The following RGS6 variants were observed in gnomAD, a reference collection of about 807,000 sequenced individuals.
RGS6 encodes regulator of G protein signaling 6.
In RGS6, 30 loss-of-function variants were observed where a neutral mutation model predicts 78.5. The ratio of observed to expected loss-of-function variants is 0.38; its 90% confidence interval spans 0.29 to 0.52. RGS6 has a LOEUF of 0.52. RGS6 is among the 20% of genes least tolerant of loss of function. The pLI is 0.85. For synonymous variants in RGS6, 206 were observed against 206.0 expected (o/e 1.00, Z 0.00); for missense variants, 495 against 609.7 (o/e 0.81, Z 1.98).
intron 2 of RGS6, among the ~76,000 whole-genome samples, chr14:71,986,431 CA>C (rs1367068671): frequency 6.6e-6 from 1 of 152,110 alleles, no homozygotes; most frequent in Non-Finnish European, 1.5e-5. Context: ...AGGCCAGGCA[CA>C]GTGGTGCATG....
the RGS6 span, among the ~76,000 whole-genome samples, chr14:71,914,861 C>G: frequency 6.6e-6 from 1 of 151,772 alleles, no homozygotes; most frequent in African/African-American, 2.4e-5. Flanking sequence ...AGGCACCACT[C>G]CCTTAAGAGT....
intron 2 of RGS6, among the ~76,000 whole-genome samples, chr14:72,006,269 T>C (rs1256371016): frequency 6.6e-6 from 1 of 152,200 alleles, no homozygotes; most frequent in Non-Finnish European, 1.5e-5. Context: ...TAAGTAGTTA[T>C]TGATGTCTAC....
chr14:72,414,770 A>T (rs2093680726), intron 3 of RGS6, among the ~76,000 whole-genome samples: 1 of 152,094 alleles, frequency 6.6e-6, no homozygotes, highest in Non-Finnish European at 1.5e-5. Context: ...TTCTTCTATC[A>T]GTCAGGACCC....
intron 2 of RGS6, among the ~76,000 whole-genome samples, chr14:72,247,848 A>C (rs1461318776): frequency 6.6e-6 from 1 of 152,200 alleles, no homozygotes; most frequent in Non-Finnish European, 1.5e-5. Context: ...ATAACACAAC[A>C]TAAAGACCCT....
rs570198942 is a variant in RGS6 at position 72,343,863 on chromosome 14, A to G, written c.85-8232A>G. Among the ~76,000 whole-genome samples, 7 of 152,346 alleles carry G rather than the reference A, an allele frequency of 4.6e-5. No individual in the cohort carries two copies. The South Asian group carries it at 1.5e-3, about 32-fold the overall frequency. ...AACAAGAAGAGGTTGACACACTCAA[A>G]TTCAGGTAATTTGAGGAGATTAGAA... On this transcript the variant is annotated intron_variant, in intron 2 of 17. Transcript: ENST00000553525.
chr14:72,025,281 T>A (rs2089612792), intron 2 of RGS6, among the ~76,000 whole-genome samples: 3 of 151,932 alleles, frequency 2.0e-5, no homozygotes, highest in African/African-American at 7.3e-5. Flanking sequence ...AATAGTCCCC[T>A]TCAAGTTGTA....
intron 2 of RGS6, among the ~76,000 whole-genome samples, chr14:71,986,099 A>G (rs2094700439): frequency 6.6e-6 from 1 of 152,070 alleles, no homozygotes; most frequent in Admixed American, 6.6e-5. Flanking sequence ...GTCACATTCC[A>G]TTTCTATCTC....
intron 2 of RGS6, among the ~76,000 whole-genome samples, chr14:71,966,619 C>T (rs920907505): frequency 6.6e-6 from 1 of 151,980 alleles, no homozygotes; most frequent in Non-Finnish European, 1.5e-5. Context: ...CTTCCATGAG[C>T]CACAATTTTT....
chr14:72,352,025 G>C (rs2079190520), intron 2 of RGS6, 70 bp from the exon 3 acceptor site: 3 of 1,196,508 alleles, frequency 2.5e-6, no homozygotes, highest in Non-Finnish European at 3.6e-6. Flanking sequence ...CATTTGGGCT[G>C]TTTAAAAAGG....
the RGS6 span, among the ~76,000 whole-genome samples, chr14:72,596,390 T>TA: frequency 5.6e-4 from 85 of 152,318 alleles, no homozygotes; most frequent in Admixed American, 3.1e-3. Context: ...CTTCCTATCT[T>TA]AAAGTCAGCT....
At chr14:72,543,852 C>G (rs1253284646) in intron 17 of RGS6, among the ~76,000 whole-genome samples, 2 of 152,252 alleles carry the variant, frequency 1.3e-5, no homozygotes, top group Non-Finnish European at 2.9e-5. Flanking sequence ...TCTCCTGCCT[C>G]AGCCTCCCGA....
intron 10 of RGS6, 83 bp downstream of exon 10, chr14:72,474,782 T>A: frequency 9.0e-7 from 1 of 1,106,192 alleles, no homozygotes; most frequent in Non-Finnish European, 1.3e-6. Context: ...AATTTGCTAC[T>A]TGTAATTCTA....
intron 2 of RGS6, among the ~76,000 whole-genome samples, chr14:72,205,447 G>A (rs2042502648): frequency 6.6e-6 from 1 of 152,148 alleles, no homozygotes; most frequent in African/African-American, 2.4e-5. Flanking sequence ...TTTCAAAATG[G>A]TAGTATCTCT....
intron 1 of RGS6, among the ~76,000 whole-genome samples, chr14:71,955,488 C>T (rs1190919955): frequency 6.6e-6 from 1 of 152,106 alleles, no homozygotes; most frequent in Non-Finnish European, 1.5e-5. Flanking sequence ...GATAGAGCAG[C>T]CCTGAGGGCT....
At chr14:71,882,548 C>G in the RGS6 span, among the ~76,000 whole-genome samples, 4 of 152,146 alleles carry the variant, frequency 2.6e-5, no homozygotes, top group Non-Finnish European at 5.9e-5. Context: ...CAATGAAGTG[C>G]TAGGTGCTGT....
chr14:72,166,727 G>A (rs115472539), intron 2 of RGS6, among the ~76,000 whole-genome samples: 2,276 of 152,254 alleles, frequency 0.015, 42 homozygotes, highest in African/African-American at 0.045. Context: ...GGAACAAAAC[G>A]TACTTTTTTA....
intron 2 of RGS6, among the ~76,000 whole-genome samples, chr14:72,041,277 T>A (rs908660231): frequency 5.3e-5 from 8 of 152,180 alleles, no homozygotes; most frequent in African/African-American, 1.9e-4. Context: ...TGAGGGTCTC[T>A]GCGACCTTCT....
At chr14:72,225,971 C>T (rs1323969282) in intron 2 of RGS6, among the ~76,000 whole-genome samples, 1 of 152,134 alleles carries the variant, frequency 6.6e-6, no homozygotes, top group Non-Finnish European at 1.5e-5. Context: ...GGGATTTTTG[C>T]TGCTGTTATG....
At chr14:72,322,365 AAAC>A (rs2072332238) in intron 2 of RGS6, among the ~76,000 whole-genome samples, 1 of 152,026 alleles carries the variant, frequency 6.6e-6, no homozygotes, top group African/African-American at 2.4e-5. Context: ...GATGGAGAGA[AAAC>A]AACAATCTAA....
Sources: allele counts gnomAD v4.1 joint callset (sites outside exome capture counted in the v4.1 genomes callset), GRCh38; gene constraint gnomAD v4.1.1; transcripts MANE v1.5; gene names NCBI Gene and HGNC (gene_info 2026-07-23, HGNC 2026-07-21).